LRP1B: variants seen among roughly 807,000 people sequenced by gnomAD.
The protein encoded by LRP1B is low-density lipoprotein receptor-related protein 1B.
A neutral mutation model predicts 556.6 loss-of-function variants in LRP1B; 217 were observed. The ratio of observed to expected loss-of-function variants is 0.39; its 90% CI spans 0.35 to 0.44. The LOEUF is 0.44. Ranked by LOEUF, LRP1B falls within the 20% of genes least tolerant of loss-of-function variation. LRP1B has a pLI of 1.00. For missense variants in LRP1B, 5,053 were observed against 5,620.8 expected, an observed-to-expected ratio of 0.90 and a Z score of 3.23; for synonymous variants, 2,047 against 1,865.8, an observed-to-expected ratio of 1.10 and a Z score of -2.50.
chr2:140,273,869 A>G (rs1682565239), intron 85 of LRP1B, among the ~76,000 whole-genome samples: 1 of 152,046 alleles, frequency 6.6e-6, no homozygotes, highest in South Asian at 2.1e-4. Flanking sequence ...AAGGCAGTGC[A>G]ATGAAAGTCA....
chr2:140,465,720 C>CAAAAAAAAAAAAAAAAA (rs34468644), intron 60 of LRP1B, among the ~76,000 whole-genome samples: 1 of 80,338 alleles, frequency 1.2e-5, no homozygotes, highest in African/African-American at 4.3e-5. Flanking sequence ...ATGACATTTG[C>CAAAAAAAAAAAAAAAAA]AAAAAAAAAA....
intron 11 of LRP1B, among the ~76,000 whole-genome samples, chr2:141,042,378 A>G (rs1041039106): frequency 6.6e-6 from 1 of 152,070 alleles, no homozygotes; most frequent in South Asian, 2.1e-4. Flanking sequence ...CCTTTGGGTT[A>G]CCCTGTGGGG....
chr2:141,446,585 G>T (rs1573954805), intron 3 of LRP1B, among the ~76,000 whole-genome samples: 1 of 152,276 alleles, frequency 6.6e-6, no homozygotes, highest in Non-Finnish European at 1.5e-5. Context: ...TCCTTCAGGA[G>T]CTCTTGTAAG....
intron 83 of LRP1B, among the ~76,000 whole-genome samples, chr2:140,300,721 G>A (rs1683784875): frequency 6.6e-6 from 1 of 152,092 alleles, no homozygotes; most frequent in African/African-American, 2.4e-5. Context: ...GGACCATGGG[G>A]AAATATGTGT....
intron 1 of LRP1B, among the ~76,000 whole-genome samples, chr2:142,115,520 ATATAATAT>A (rs1274526517): frequency 4.4e-5 from 3 of 68,186 alleles, no homozygotes; most frequent in African/African-American, 1.4e-4. Flanking sequence ...TATATTACAT[ATATAATAT>A]ATATATTACA....
intron 20 of LRP1B, among the ~76,000 whole-genome samples, chr2:140,929,371 T>C (rs1380184240): frequency 6.6e-6 from 1 of 152,028 alleles, no homozygotes; most frequent in Admixed American, 6.6e-5. Flanking sequence ...TGGGTCAGAA[T>C]TAAGAGTCAG....
intron 1 of LRP1B, among the ~76,000 whole-genome samples, chr2:141,934,768 G>A (rs1258726105): frequency 6.6e-6 from 1 of 152,120 alleles, no homozygotes. Flanking sequence ...ATGTGAATAA[G>A]GACGTGTTTG....
intron 1 of LRP1B, among the ~76,000 whole-genome samples, chr2:141,919,018 AT>A (rs1191858213): frequency 3.3e-5 from 5 of 151,930 alleles, no homozygotes; most frequent in African/African-American, 7.2e-5. Flanking sequence ...GGTACCTTAA[AT>A]TTTTTTTCTT....
At chr2:142,120,151 G>T (rs917686927) in intron 1 of LRP1B, among the ~76,000 whole-genome samples, 2 of 152,034 alleles carry the variant, frequency 1.3e-5, no homozygotes, top group African/African-American at 2.4e-5. Flanking sequence ...AGTCTCAGTT[G>T]CTCAGGTTGG....
chr2:141,038,392 C>T (rs1558817126), intron 11 of LRP1B, among the ~76,000 whole-genome samples: 1 of 146,642 alleles, frequency 6.8e-6, no homozygotes, highest in Non-Finnish European at 1.5e-5. Flanking sequence ...TCTACTACTA[C>T]CTAGTGTAAG....
intron 1 of LRP1B, among the ~76,000 whole-genome samples, chr2:142,107,333 G>A (rs1394449623): frequency 6.6e-6 from 1 of 152,148 alleles, no homozygotes; most frequent in Non-Finnish European, 1.5e-5. Context: ...ATGGATTAAT[G>A]TGGCTATTGT....
chr2:140,787,192 T>C (rs555840262), intron 32 of LRP1B, among the ~76,000 whole-genome samples: 6 of 152,332 alleles, frequency 3.9e-5, no homozygotes, highest in African/African-American at 9.6e-5. Flanking sequence ...CTTGCTCGCC[T>C]CCTATTTTCC....
intron 1 of LRP1B, among the ~76,000 whole-genome samples, chr2:142,038,538 T>A (rs928230158): frequency 1.3e-5 from 2 of 151,630 alleles, no homozygotes; most frequent in Non-Finnish European, 3.0e-5. Context: ...TTATTATTTA[T>A]GTCACTTAAC....
chr2:140,286,141 G>A (rs568879610), intron 84 of LRP1B, among the ~76,000 whole-genome samples: 1 of 151,964 alleles, frequency 6.6e-6, no homozygotes, highest in South Asian at 2.1e-4. Flanking sequence ...ACTAATATTT[G>A]TTGAATTAAT....
chr2:140,868,793 G>A (rs1477086695), intron 25 of LRP1B, among the ~76,000 whole-genome samples: 1 of 152,046 alleles, frequency 6.6e-6, no homozygotes, highest in Non-Finnish European at 1.5e-5. Context: ...TTTATATTAA[G>A]GGAATAAGAA....
chr2:140,501,463 A>G (rs72899892), intron 55 of LRP1B, among the ~76,000 whole-genome samples: 32,558 of 150,768 alleles, frequency 0.22, 3,926 homozygotes, highest in Non-Finnish European at 0.27. Context: ...TTTATGCTCC[A>G]AAAATGTAGA....
chr2:141,822,130 C>CACACACACAGAGAG (rs374369026), intron 1 of LRP1B, among the ~76,000 whole-genome samples: 6 of 95,892 alleles, frequency 6.3e-5, no homozygotes, highest in African/African-American at 2.7e-4. Flanking sequence ...CACACACACA[C>CACACACACAGAGAG]AGAGAGAGAG....
intron 2 of LRP1B, among the ~76,000 whole-genome samples, chr2:141,743,708 A>G (rs1693805170): frequency 6.6e-6 from 1 of 151,268 alleles, no homozygotes; most frequent in African/African-American, 2.4e-5. Context: ...CTGGTTTTGG[A>G]GTTTCTCATG....
intron 35 of LRP1B, among the ~76,000 whole-genome samples, chr2:140,766,859 T>TATATATATATTATATATATATA (rs1689137196): frequency 2.0e-3 from 98 of 50,188 alleles, no homozygotes; most frequent in African/African-American, 4.2e-3. Context: ...TATATATATA[T>TATATATATATTATATATATATA]ATATATAATA....
Sources: allele counts gnomAD v4.1 joint callset (sites outside exome capture counted in the v4.1 genomes callset), GRCh38; gene constraint gnomAD v4.1.1; transcripts MANE v1.5; gene names NCBI Gene and HGNC (gene_info 2026-07-23, HGNC 2026-07-21).